MAPK10: variants seen among roughly 807,000 people sequenced by gnomAD.
The protein encoded by MAPK10 is mitogen-activated protein kinase 10.
Under a neutral mutation model 59.3 loss-of-function variants are expected in MAPK10, and 25 were observed. That is an observed-to-expected ratio of 0.42 (90% CI 0.31 to 0.59). MAPK10 has a LOEUF of 0.59. MAPK10 is among the 20% of genes least tolerant of loss of function. The pLI, the probability that MAPK10 is intolerant of heterozygous loss-of-function variation, is 0.15. For synonymous variants in MAPK10, 190 were observed against 200.5 expected, an observed-to-expected ratio of 0.95 and a Z score of 0.44; for missense variants, 351 against 568.9, an observed-to-expected ratio of 0.62 and a Z score of 3.90.
upstream of MAPK10, among the ~76,000 whole-genome samples, chr4:86,362,747 C>T (rs557613890): frequency 2.4e-4 from 37 of 152,172 alleles, no homozygotes; most frequent in South Asian, 1.0e-3. Flanking sequence ...AGTGAGATAC[C>T]ATTTCATGCC....
chr4:86,538,194 T>C (rs1476429205), intron 1 of MAPK10, among the ~76,000 whole-genome samples: 1 of 152,086 alleles, frequency 6.6e-6, no homozygotes, highest in Non-Finnish European at 1.5e-5. Flanking sequence ...TTGCCCAGGC[T>C]GGAGTGCATT....
intron 5 of MAPK10, chr4:86,106,838 TATAAATCTAAA>T (rs2056628001): frequency 6.6e-6 from 1 of 152,382 alleles, no homozygotes; most frequent in Admixed American, 6.6e-5. Flanking sequence ...AAATCTAAAT[TATAAATCTAAA>T]TTAAATCTAA....
chr4:86,194,901 G>T (rs1266047616), intron 2 of MAPK10, among the ~76,000 whole-genome samples: 1 of 151,816 alleles, frequency 6.6e-6, no homozygotes, highest in Non-Finnish European at 1.5e-5. Context: ...TGACCGAGAA[G>T]AAAAGCAGTT....
chr4:86,224,084 A>C (rs902113210), intron 2 of MAPK10, among the ~76,000 whole-genome samples: 3 of 133,106 alleles, frequency 2.3e-5, no homozygotes, highest in Non-Finnish European at 4.6e-5. Flanking sequence ...CGAAATATCA[A>C]ATGTAGGAAT....
intron 9 of MAPK10, chr4:86,090,395 CAA>C (rs1420808242): frequency 3.9e-5 from 6 of 152,106 alleles, no homozygotes; most frequent in African/African-American, 1.4e-4. Context: ...GGGTTAAACT[CAA>C]AGTTTCCATT....
intron 9 of MAPK10, among the ~76,000 whole-genome samples, chr4:86,069,164 A>ATTC (rs1257497816): frequency 6.6e-6 from 1 of 152,164 alleles, no homozygotes; most frequent in African/African-American, 2.4e-5. Flanking sequence ...GATTAAAGAT[A>ATTC]AACTTAACTG....
chr4:86,327,362 T>G (rs1393112574), intron 2 of MAPK10: 1 of 152,098 alleles, frequency 6.6e-6, no homozygotes. Flanking sequence ...ACCTTTAATT[T>G]TTTTTTAGCA....
chr4:86,549,656 A>C (rs758693743), intron 1 of MAPK10, among the ~76,000 whole-genome samples: 1 of 152,100 alleles, frequency 6.6e-6, no homozygotes, highest in Non-Finnish European at 1.5e-5. Context: ...AAACAAAATA[A>C]TTTCCCTAGA....
At chr4:86,463,822 C>A (rs1751960922) in intron 1 of MAPK10, among the ~76,000 whole-genome samples, 1 of 152,144 alleles carries the variant, frequency 6.6e-6, no homozygotes, top group South Asian at 2.1e-4. Flanking sequence ...GAAGCTCAGG[C>A]AGAGCTGCAG....
intron 1 of MAPK10, among the ~76,000 whole-genome samples, chr4:86,386,665 A>G (rs988025491): frequency 1.3e-5 from 2 of 152,116 alleles, no homozygotes; most frequent in Non-Finnish European, 2.9e-5. Flanking sequence ...ACTCTAACAC[A>G]TAACACAATG....
At chr4:86,382,078 A>G (rs1740802064) in intron 1 of MAPK10, among the ~76,000 whole-genome samples, 1 of 152,150 alleles carries the variant, frequency 6.6e-6, no homozygotes, top group Admixed American at 6.5e-5. Context: ...AGCAAGAAGC[A>G]TCCTGGCCTC....
rs572228620 is a variant in MAPK10 at position 86,284,747 on chromosome 4, G to A, written c.-7+69783C>T. On this transcript the variant is annotated intron_variant, in intron 2 of 13. Transcript: ENST00000641462. ...ATCACTGATTCTGTCTCGACAGAGA[G>A]TCAGCCTTTTCATGGATATAGAAAA... Among the ~76,000 whole-genome samples the A allele has an allele frequency of 6.6e-5, 10 of 152,342 alleles. No homozygotes were observed. The South Asian group carries it at 1.9e-3, about 28-fold the overall frequency.
upstream of MAPK10, among the ~76,000 whole-genome samples, chr4:86,363,950 T>A (rs560052258): frequency 2.5e-4 from 38 of 152,060 alleles, no homozygotes; most frequent in East Asian, 6.8e-3. Flanking sequence ...ACCTGGCTAA[T>A]TTTTTATTTT....
intron 11 of MAPK10, among the ~76,000 whole-genome samples, chr4:86,036,674 A>G (rs1224169516): frequency 1.3e-5 from 2 of 152,230 alleles, no homozygotes; most frequent in Non-Finnish European, 1.5e-5. Flanking sequence ...TAAAATAAAG[A>G]CTAATAAAAC....
Position 86,349,485 on chromosome 4 carries a change from G to T in MAPK10, c.-7+5045C>A, listed in dbSNP as rs902770351. On this transcript the variant is annotated intron_variant, in intron 2 of 13. Coordinates refer to ENST00000641462, the MANE Select transcript of MAPK10 (RefSeq NM_138982.4). ...TATAAGAAATTCAAAGATGAGTCTT[G>T]CTCAAAATACCCCCTGGCTAAGGTG... Among the ~76,000 whole-genome samples, 17 of 152,124 alleles carry T rather than the reference G, an allele frequency of 1.1e-4. 1 individual carries two copies. Among genetic ancestry groups the T allele is most frequent in the Admixed American group, 1.0e-3 (16 of 15,276 alleles).
intron 1 of MAPK10, among the ~76,000 whole-genome samples, chr4:86,398,539 G>A (rs1400740040): frequency 5.3e-5 from 8 of 152,136 alleles, no homozygotes; most frequent in Admixed American, 3.3e-4. Context: ...ATGAATTCAA[G>A]TCAAAAGATT....
chr4:86,568,592 T>C (rs759463451), intron 1 of MAPK10, among the ~76,000 whole-genome samples: 10 of 151,978 alleles, frequency 6.6e-5, no homozygotes, highest in Admixed American at 1.3e-4. Context: ...AGTATAAAAA[T>C]GGACACACAG....
chr4:86,474,142 A>C (rs1752881833), intron 1 of MAPK10, among the ~76,000 whole-genome samples: 1 of 152,216 alleles, frequency 6.6e-6, no homozygotes, highest in Non-Finnish European at 1.5e-5. Flanking sequence ...TATTTCCAAC[A>C]GGGTTTCAGT....
chr4:86,198,942 C>A (rs544155243), intron 2 of MAPK10, among the ~76,000 whole-genome samples: 1 of 151,634 alleles, frequency 6.6e-6, no homozygotes. Context: ...AAGAAATATA[C>A]GAGCACTCAC....
Sources: gnomAD v4.1 joint callset for allele counts (sites outside exome capture counted in the v4.1 genomes callset) on GRCh38, gnomAD v4.1.1 for gene constraint, MANE v1.5 for transcripts, NCBI Gene and HGNC (gene_info 2026-07-23, HGNC 2026-07-21) for gene names.